The following TSGA10 variants were observed in gnomAD, a reference collection of about 807,000 sequenced individuals.
TSGA10 encodes testis specific 10.
In TSGA10, 43 loss-of-function variants were observed where a neutral mutation model predicts 96.6. That is an observed-to-expected ratio of 0.44 (90% confidence interval 0.35 to 0.57). The LOEUF is 0.57. Among genes scored for constraint, TSGA10 ranks in the 20% least tolerant of loss-of-function variants. The probability of loss-of-function intolerance (pLI) is 0.01; values close to 1 mark genes in which losing one functional copy is unlikely to be tolerated. For missense variants in TSGA10, 703 were observed against 834.4 expected, an observed-to-expected ratio of 0.84 and a Z score of 1.94; for synonymous variants, 229 against 269.9, an observed-to-expected ratio of 0.85 and a Z score of 1.48.
At chr2:99,065,220 G>A (rs2085133970) in intron 15 of TSGA10, 96 bp from the exon 16 acceptor site, 6 of 1,366,878 alleles carry the variant, frequency 4.4e-6, no homozygotes, top group Non-Finnish European at 6.0e-6. Context: ...CTTGCCATGA[G>A]AAGCGTTTAT....
At chr2:99,120,683 TTG>T (rs1360627447) in intron 2 of TSGA10, among the ~76,000 whole-genome samples, 2 of 152,192 alleles carry the variant, frequency 1.3e-5, no homozygotes, top group African/African-American at 4.8e-5. Context: ...CCGCTGATAG[TTG>T]TGTCATAAAC....
chr2:99,017,438 G>A (rs143788804), intron 20 of TSGA10, among the ~76,000 whole-genome samples: 18 of 152,300 alleles, frequency 1.2e-4, no homozygotes, highest in African/African-American at 3.4e-4. Flanking sequence ...CTCACTTTAA[G>A]TGAGAGTTAA....
chr2:99,150,930 A>C lies in TSGA10; in HGVS notation c.-621+3763T>G, dbSNP rs572375617. 21 of 744,114 alleles carry C rather than the reference A, an allele frequency of 2.8e-5. No individual in the cohort carries two copies. In the South Asian group the frequency reaches 3.8e-4, roughly 14 times the overall value. The allele number at this position is 744,114 out of a possible 1,614,324, so 46.1% of individuals were successfully genotyped here. A position where few individuals can be genotyped will look rare whatever the true frequency, so the allele number is the denominator to read the frequency against. On this transcript the variant is annotated intron_variant, in intron 1 of 20. Coordinates refer to ENST00000393483, the MANE Select transcript of TSGA10 (RefSeq NM_025244.4). ...AACCTTATTAGGAAACCCTGACAAA[A>C]TGATGGAAGACTATTGCCTTATTTT...
rs758007806 is a variant in TSGA10, at chr2:99,018,213, G to A, written c.2059C>T (p.Arg687Ter). 4 of 1,613,504 alleles carry A rather than the reference G, an allele frequency of 2.5e-6. No individual in the cohort carries two copies. The highest frequency in any genetic ancestry group is 1.1e-5 in the South Asian group (1 of 91,038). The change falls in exon 20 of 21, where the codon CGA becomes TGA. Residue 687 changes from arginine to a stop codon, truncating the protein, a stop_gained. Transcript: ENST00000393483. LOFTEE classifies it high-confidence loss of function. ...AAATAGACTCACTCTTCTAATGATC[G>A]ATCTAGGCCTCGGTCAGGAGATCGA... ...HHRSPDRGLD[R>*]SLEENLCYRD... is the part of the protein sequence containing the mutation.
At chr2:99,139,485 A>T (rs1052864536) in intron 1 of TSGA10, among the ~76,000 whole-genome samples, 5 of 152,218 alleles carry the variant, frequency 3.3e-5, no homozygotes, top group African/African-American at 1.2e-4. Context: ...ACAAAAGCTT[A>T]CTACAGTTGA....
At chr2:99,129,828 C>T (rs1324167501) in intron 1 of TSGA10, among the ~76,000 whole-genome samples, 1 of 152,170 alleles carries the variant, frequency 6.6e-6, no homozygotes, top group African/African-American at 2.4e-5. Flanking sequence ...TGATGTTCCC[C>T]TCCCTGTGTC....
chr2:99,052,740 T>TC (rs2083532978), intron 16 of TSGA10, among the ~76,000 whole-genome samples: 1 of 147,196 alleles, frequency 6.8e-6, no homozygotes, highest in Non-Finnish European at 1.5e-5. Flanking sequence ...TCCATCTCAA[T>TC]TTAAAAAAAA....
chr2:99,099,032 G>C (rs527683401), intron 10 of TSGA10, among the ~76,000 whole-genome samples: 2 of 152,346 alleles, frequency 1.3e-5, no homozygotes, highest in South Asian at 4.1e-4. Flanking sequence ...ATAAGAGACA[G>C]CTGGGCGTGA....
At chr2:99,121,323 G>A (rs1479266944) in intron 2 of TSGA10, among the ~76,000 whole-genome samples, 1 of 143,570 alleles carries the variant, frequency 7.0e-6, no homozygotes, top group Non-Finnish European at 1.5e-5. Context: ...ATCCTTGCCA[G>A]CATTTGGTAT....
At chr2:99,140,780 G>A (rs2093506363) in intron 1 of TSGA10, among the ~76,000 whole-genome samples, 1 of 152,114 alleles carries the variant, frequency 6.6e-6, no homozygotes, top group South Asian at 2.1e-4. Flanking sequence ...CTTCCAGAGC[G>A]TTTCTAAACT....
intron 10 of TSGA10, among the ~76,000 whole-genome samples, chr2:99,092,415 G>T (rs182205826): frequency 1.3e-5 from 2 of 151,884 alleles, no homozygotes; most frequent in Non-Finnish European, 2.9e-5. Flanking sequence ...CTCAGCAGAA[G>T]AAAAGAAATA....
chr2:99,126,681 C>T (rs1307384735), intron 2 of TSGA10: 1 of 162,150 alleles, frequency 6.2e-6, no homozygotes, highest in Admixed American at 6.3e-5. Context: ...CAAATCCCGG[C>T]TAACACGGGA....
chr2:99,017,305 C>T lies in TSGA10; in HGVS notation c.2072+895G>A, dbSNP rs915053529. The stretch of plus-strand genomic sequence containing the variant: ...TAAAGAAAATGTGGTATAAATACAC[C>T]AGGGAATACTACTCAGCCATAAAAA... On this transcript the variant is annotated intron_variant, in intron 20 of 20. Transcript: ENST00000393483. Among the ~76,000 whole-genome samples the T allele has an allele frequency of 3.9e-5, 6 of 152,214 alleles. No individual in the cohort carries two copies. In the South Asian group the frequency reaches 1.2e-3, roughly 32 times the overall value.
chr2:99,122,580 C>A (rs2092628443), intron 2 of TSGA10, among the ~76,000 whole-genome samples: 1 of 113,912 alleles, frequency 8.8e-6, no homozygotes, highest in Non-Finnish European at 1.7e-5. Context: ...GAGTTCAAGA[C>A]AAGCCTGGGA....
intron 6 of TSGA10, 71 bp downstream of exon 6, chr2:99,109,318 G>A (rs1443563110): frequency 6.7e-7 from 1 of 1,486,254 alleles, no homozygotes; most frequent in East Asian, 2.3e-5. Flanking sequence ...TTTCAAATTA[G>A]GTAAAACAAA....
At chr2:99,146,655 G>A (rs1465178159) in intron 1 of TSGA10, among the ~76,000 whole-genome samples, 1 of 152,028 alleles carries the variant, frequency 6.6e-6, no homozygotes, top group African/African-American at 2.4e-5. Flanking sequence ...TTGAGACGGA[G>A]TCTTGCTCTG....
chr2:99,069,034 A>G, intron 14 of TSGA10, 36 bp from the exon 15 acceptor site: 1 of 1,187,164 alleles, frequency 8.4e-7, no homozygotes, highest in East Asian at 2.8e-5. Flanking sequence ...GACTATGAAA[A>G]ATAAAAAATT....
intron 10 of TSGA10, among the ~76,000 whole-genome samples, chr2:99,093,310 A>G (rs1323340335): frequency 6.6e-6 from 1 of 152,190 alleles, no homozygotes; most frequent in Admixed American, 6.6e-5. Context: ...CGAAACAGGG[A>G]AACACTGAAA....
At chr2:99,005,353 G>T (rs1381574623) in intron 20 of TSGA10, among the ~76,000 whole-genome samples, 3 of 152,036 alleles carry the variant, frequency 2.0e-5, no homozygotes, top group Non-Finnish European at 2.9e-5. Context: ...AGTCAAATTG[G>T]CCCTGTTTGC....
Sources: allele counts gnomAD v4.1 joint callset (sites outside exome capture counted in the v4.1 genomes callset), GRCh38; gene constraint gnomAD v4.1.1; transcripts MANE v1.5; gene names NCBI Gene and HGNC (gene_info 2026-07-23, HGNC 2026-07-21).